The following GPD2 variants were observed in gnomAD, a reference collection of about 807,000 sequenced individuals.
The protein encoded by GPD2 is glycerol-3-phosphate dehydrogenase 2.
In GPD2, 54 loss-of-function variants were observed where a neutral mutation model predicts 82.4. The ratio of observed to expected loss-of-function variants is 0.66; its 90% confidence interval spans 0.53 to 0.82. The LOEUF (loss-of-function observed/expected upper bound fraction) is 0.82. Ranked by LOEUF, GPD2 falls within the 40% of genes least tolerant of loss-of-function variation. The pLI is 0.00. For synonymous variants in GPD2, 288 were observed against 306.1 expected, an observed-to-expected ratio of 0.94 and a Z score of 0.62; for missense variants, 748 against 896.2, an observed-to-expected ratio of 0.83 and a Z score of 2.11.
intron 13 of GPD2, among the ~76,000 whole-genome samples, chr2:156,575,123 A>G (rs1185147236): frequency 2.0e-5 from 3 of 152,190 alleles, no homozygotes; most frequent in Non-Finnish European, 4.4e-5. Context: ...GCTTGGGATC[A>G]GCTTACTGTT....
chr2:156,417,991 C>T, the GPD2 span, among the ~76,000 whole-genome samples: 45 of 152,088 alleles, frequency 3.0e-4, no homozygotes, highest in African/African-American at 9.2e-4. Context: ...CCGAGGTGGG[C>T]GGATCACGAG....
chr2:156,523,404 C>A (rs891688924), intron 6 of GPD2, among the ~76,000 whole-genome samples: 1 of 152,048 alleles, frequency 6.6e-6, no homozygotes, highest in Non-Finnish European at 1.5e-5. Flanking sequence ...CCAAATAGTT[C>A]AACAAAGGCT....
At chr2:156,515,268 GGCAT>G (rs1326470530) in intron 6 of GPD2, among the ~76,000 whole-genome samples, 1 of 151,930 alleles carries the variant, frequency 6.6e-6, no homozygotes, top group Non-Finnish European at 1.5e-5. Context: ...CAGGTGCGGT[GGCAT>G]GCACTTGTAG....
the GPD2 span, among the ~76,000 whole-genome samples, chr2:156,414,345 G>A: frequency 6.6e-6 from 1 of 152,114 alleles, no homozygotes. Flanking sequence ...TCTTTAAATT[G>A]TATATAAACT....
the GPD2 span, among the ~76,000 whole-genome samples, chr2:156,423,829 C>T: frequency 1.3e-5 from 2 of 151,958 alleles, no homozygotes; most frequent in South Asian, 2.1e-4. Context: ...AAGGCAGAGC[C>T]GATCTCCACT....
chr2:156,558,442 T>C (rs1664632687), intron 9 of GPD2, among the ~76,000 whole-genome samples: 1 of 152,164 alleles, frequency 6.6e-6, no homozygotes, highest in Non-Finnish European at 1.5e-5. Flanking sequence ...TTAGGTCAGG[T>C]CTCTATCCCT....
At chr2:156,519,691 A>C (rs1288013697) in intron 6 of GPD2, among the ~76,000 whole-genome samples, 1 of 152,222 alleles carries the variant, frequency 6.6e-6, no homozygotes, top group Non-Finnish European at 1.5e-5. Flanking sequence ...GAGATAGGAG[A>C]GTTGCCTGGA....
intron 1 of GPD2, among the ~76,000 whole-genome samples, chr2:156,469,183 A>C (rs1050070377): frequency 1.3e-5 from 2 of 152,102 alleles, no homozygotes; most frequent in African/African-American, 4.8e-5. Context: ...TTTGAGACGG[A>C]GTCTCTCGCT....
At chr2:156,477,376 G>A (rs1463592003) in intron 2 of GPD2, among the ~76,000 whole-genome samples, 2 of 152,148 alleles carry the variant, frequency 1.3e-5, no homozygotes, top group East Asian at 3.9e-4. Flanking sequence ...AGGCTGTAGT[G>A]AGCTGAGATC....
At chr2:156,582,631 G>A (rs1466840631) in intron 16 of GPD2, among the ~76,000 whole-genome samples, 162 bp from the exon 17 acceptor site, 3 of 151,918 alleles carry the variant, frequency 2.0e-5, no homozygotes, top group Admixed American at 6.6e-5. Flanking sequence ...TTTTGGAAAC[G>A]TTTAAAAATT....
At position 156,578,991 on chromosome 2, in the gene GPD2, G is replaced by T; in HGVS notation, c.1870G>T (p.Asp624Tyr). ...DRSEISLLPS[D>Y]IDRYKKRFHK... is the part of the protein sequence containing the mutation. ...CTCTGAAATTAGCCTACTGCCTTCA[G>T]ACATTGACAGGTACTTATAATAAGT... The change falls in exon 14 of 17, where the codon GAC becomes TAC. Residue 624 changes from aspartate (D) to tyrosine (Y), a missense_variant. Physicochemically the swap from Asp to Tyr is radical, Grantham distance 160. This residue lies in a region of GPD2 where 692 missense variants were observed against 809.7 expected (regional missense o/e 0.85). Transcript: ENST00000438166. 6.3e-7 allele frequency: 1 copy of T among 1,595,164 alleles called. No individual in the cohort carries two copies. Among genetic ancestry groups the T allele is most frequent in the Non-Finnish European group, 8.6e-7 (1 of 1,162,984 alleles).
At chr2:156,415,268 C>T in the GPD2 span, among the ~76,000 whole-genome samples, 3 of 151,006 alleles carry the variant, frequency 2.0e-5, no homozygotes, top group Non-Finnish European at 4.4e-5. Context: ...ACGCCGTTCT[C>T]CTGCCTCAGC....
intron 6 of GPD2, among the ~76,000 whole-genome samples, chr2:156,520,031 G>A (rs141106925): frequency 6.6e-6 from 1 of 152,336 alleles, no homozygotes; most frequent in East Asian, 1.9e-4. Context: ...AGGTTTTATT[G>A]AGTGGTGGAG....
intron 2 of GPD2, 80 bp downstream of exon 2, chr2:156,476,287 A>G: frequency 1.2e-6 from 1 of 815,412 alleles, no homozygotes; most frequent in Non-Finnish European, 2.2e-6. Flanking sequence ...GTGTGCACTA[A>G]CGGTTTTGTT....
chr2:156,575,575 A>C (rs370733384), intron 13 of GPD2, among the ~76,000 whole-genome samples: 165 of 151,302 alleles, frequency 1.1e-3, no homozygotes, highest in Admixed American at 3.4e-3. Context: ...GCTAGTTTTT[A>C]AAATTTTTTT....
At chr2:156,521,541 A>C (rs1215683915) in intron 6 of GPD2, among the ~76,000 whole-genome samples, 1 of 152,210 alleles carries the variant, frequency 6.6e-6, no homozygotes, top group African/African-American at 2.4e-5. Flanking sequence ...TGGATACTCT[A>C]TAGTCCACCA....
chr2:156,494,280 G>T (rs1684291102), intron 2 of GPD2, among the ~76,000 whole-genome samples: 1 of 152,248 alleles, frequency 6.6e-6, no homozygotes, highest in East Asian at 1.9e-4. Context: ...CAACTCTGGT[G>T]GTTACTTTGT....
At chr2:156,508,175 T>C (rs1044358576) in intron 3 of GPD2, among the ~76,000 whole-genome samples, 3 of 151,988 alleles carry the variant, frequency 2.0e-5, no homozygotes, top group African/African-American at 7.2e-5. Context: ...GCATCCCTCA[T>C]AGTGGACAGT....
intron 2 of GPD2, among the ~76,000 whole-genome samples, chr2:156,476,734 G>A (rs1224558285): frequency 2.6e-5 from 4 of 152,182 alleles, no homozygotes; most frequent in Non-Finnish European, 4.4e-5. Flanking sequence ...CAAATATTAT[G>A]AAGTGTTCAG....
Sources: gnomAD v4.1 joint callset for allele counts (sites outside exome capture counted in the v4.1 genomes callset) on GRCh38, gnomAD v4.1.1 for gene constraint, gnomAD v4.1.1 regional missense constraint, MANE v1.5 for transcripts, NCBI Gene and HGNC (gene_info 2026-07-23, HGNC 2026-07-21) for gene names.